The following SH2D4A variants were observed in gnomAD, a reference collection of about 807,000 sequenced individuals.
SH2D4A encodes the protein SH2 domain containing 4A.
A neutral mutation model predicts 64.7 loss-of-function variants in SH2D4A; 70 were observed. The observed-to-expected ratio is 1.08, with a 90% CI of 0.89 to 1.32. SH2D4A has a LOEUF of 1.32. Among genes scored for constraint, SH2D4A ranks in the 40% most tolerant of loss-of-function variants. SH2D4A has a pLI of 0.00. For synonymous variants in SH2D4A, 268 were observed against 200.7 expected (o/e 1.34, Z -2.83); for missense variants, 706 against 540.1 (o/e 1.31, Z -3.04).
At chr8:19,368,632 T>TG (rs1039160632) in intron 7 of SH2D4A, among the ~76,000 whole-genome samples, 11 of 151,816 alleles carry the variant, frequency 7.2e-5, no homozygotes, top group African/African-American at 2.4e-4. Context: ...TTTTTTTTTT[T>TG]TTGTTAGTCC....
chr8:19,319,407 T>C lies in SH2D4A; in HGVS notation c.-141T>C. ...AGGTCTGAGTAGCCAGTTTGCTGAA[T>C]TATTGTCCCAGTCAGCCAGGATTGT... On this transcript the variant is annotated 5_prime_UTR_variant, in exon 2 of 10. Coordinates refer to ENST00000265807, the MANE Select transcript of SH2D4A (RefSeq NM_022071.4). 7.7e-7 allele frequency: 1 copy of C among 1,299,904 alleles called. No homozygotes were observed. Among genetic ancestry groups the C allele is most frequent in the Non-Finnish European group, 9.8e-7 (1 of 1,021,142 alleles). The allele number at this position is 1,299,904 out of a possible 1,614,324, so 80.5% of individuals were successfully genotyped here.
Position 19,334,698 on chromosome 8 carries a change from T to C in SH2D4A, c.354T>C (p.Ser118=), listed in dbSNP as rs1220955915. The C allele has an allele frequency of 6.3e-7, 1 of 1,599,334 alleles. No individual in the cohort carries two copies. The highest frequency in any genetic ancestry group is 8.5e-7 in the Non-Finnish European group (1 of 1,175,866). ...TGCCTCTCTTCAGAAAAACTCACTC[T>C]GAAGAATTCACCAATAGCTTGAAAA... ...QEAEEPRKTH[S]EEFTNSLKTK... The change falls in exon 4 of 10, where the codon TCT becomes TCC. Residue 118 remains serine (S), a synonymous_variant. Coordinates refer to ENST00000265807, the MANE Select transcript of SH2D4A (RefSeq NM_022071.4).
chr8:19,315,260 C>G (rs1054781379), intron 1 of SH2D4A, among the ~76,000 whole-genome samples: 6 of 152,152 alleles, frequency 3.9e-5, no homozygotes, highest in Admixed American at 3.9e-4. Flanking sequence ...CTCAACCTCC[C>G]AAGTAGGTGG....
At chr8:19,366,217 T>C (rs766917969) in intron 7 of SH2D4A, among the ~76,000 whole-genome samples, 7 of 152,196 alleles carry the variant, frequency 4.6e-5, no homozygotes, top group Non-Finnish European at 8.8e-5. Flanking sequence ...GTGTGATGTT[T>C]TGATACATAT....
At chr8:19,352,138 T>C (rs2052715450) in intron 4 of SH2D4A, among the ~76,000 whole-genome samples, 1 of 152,224 alleles carries the variant, frequency 6.6e-6, no homozygotes, top group Admixed American at 6.5e-5. Flanking sequence ...TATCAACTGT[T>C]TCTCAAAGCA....
rs1372945104 is a variant in SH2D4A at position 19,313,845 on chromosome 8, A to C, written c.-205+22A>C. ...ACTGGTAGGTGCTGGGGGTGGGGCGAGGCTTTGGGGAGAGTGTGCGTGGGG... is the reference window on the plus strand; with the variant it reads ...ACTGGTAGGTGCTGGGGGTGGGGCGCGGCTTTGGGGAGAGTGTGCGTGGGG... On this transcript the variant is annotated intron_variant, in intron 1 of 9. Transcript: ENST00000265807. 1.4e-6 allele frequency: 2 copies of C among 1,469,110 alleles called. 1 individual carries two copies. Among genetic ancestry groups the C allele is most frequent in the South Asian group, 2.6e-5 (2 of 77,556 alleles). 91.0% of individuals were successfully genotyped at this position (1,469,110 alleles called of 1,614,324 possible).
chr8:19,319,612 A>T lies in SH2D4A; in HGVS notation c.65A>T (p.Glu22Val), dbSNP rs139576922. Residue 22 changes from glutamate to valine, a missense_variant, in exon 2 of 10, where the codon GAA (glutamate) becomes GTA (valine). Coordinates refer to ENST00000265807, the MANE Select transcript of SH2D4A (RefSeq NM_022071.4). Reference protein sequence around the residue: ...DPDLLAELSEEQKQILFFKMR... With the variant: ...DPDLLAELSEVQKQILFFKMR... ...GATCTACTGGCAGAGCTCAGCGAAG[A>T]ACAGAAACAGATCCTGTTCTTCAAG... 3 of 1,610,334 alleles carry T rather than the reference A, an allele frequency of 1.9e-6. No homozygotes were observed. The African/African-American group carries it at 4.0e-5, about 22-fold the overall frequency.
At chr8:19,321,005 A>G (rs1314653787) in intron 2 of SH2D4A, among the ~76,000 whole-genome samples, 5 of 152,154 alleles carry the variant, frequency 3.3e-5, no homozygotes, top group Non-Finnish European at 4.4e-5. Context: ...TTTTCCAGTG[A>G]TGCCTTTATC....
Position 19,370,804 on chromosome 8 carries a change from C to G in SH2D4A, c.918-2726C>G, listed in dbSNP as rs1045060879. Among the ~76,000 whole-genome samples the G allele has an allele frequency of 2.6e-5, 4 of 152,000 alleles. No homozygotes were observed. The South Asian group carries it at 8.3e-4, about 32-fold the overall frequency. ...TTATTTTCTAGTTATTCTGTAGATC[C>G]TTTCTTCTCTTATAGTCTTTGTGGT... On this transcript the variant is annotated intron_variant, in intron 7 of 9. Coordinates refer to ENST00000265807, the MANE Select transcript of SH2D4A (RefSeq NM_022071.4).
Position 19,334,761 on chromosome 8 carries a change from C to G in SH2D4A, c.417C>G (p.Asn139Lys). 1.9e-6 allele frequency: 3 copies of G among 1,614,016 alleles called. No individual in the cohort carries two copies. The highest frequency in any genetic ancestry group is 2.5e-6 in the Non-Finnish European group (3 of 1,179,988). ...SQYHDLQAPD[N>K]QQTKDIWKKV... is the part of the protein sequence containing the mutation. ...ACCATGATCTGCAGGCTCCGGATAA[C>G]CAGCAGACTAAAGACATCTGGAAGA... Residue 139 changes from asparagine to lysine, a missense_variant, in exon 4 of 10, where the codon AAC (asparagine) becomes AAG (lysine). By Grantham distance (94) the Asn-to-Lys change is moderately conservative (BLOSUM62 0). Coordinates refer to ENST00000265807, the MANE Select transcript of SH2D4A (RefSeq NM_022071.4).
intron 2 of SH2D4A, among the ~76,000 whole-genome samples, chr8:19,327,152 G>C (rs189326625): frequency 6.6e-6 from 1 of 152,142 alleles, no homozygotes; most frequent in Non-Finnish European, 1.5e-5. Flanking sequence ...TTCTGAGCAG[G>C]ACTGACCCGC....
intron 8 of SH2D4A, among the ~76,000 whole-genome samples, chr8:19,387,031 G>A (rs1399847899): frequency 3.7e-5 from 5 of 136,760 alleles, no homozygotes; most frequent in Admixed American, 7.3e-5. Flanking sequence ...AATAGTTTTT[G>A]TTGTTCTTTG....
At chr8:19,373,491 T>A in intron 7 of SH2D4A, 39 bp from the exon 8 acceptor site, 8 of 1,501,380 alleles carry the variant, frequency 5.3e-6, no homozygotes, top group Non-Finnish European at 7.1e-6. Flanking sequence ...TATTTTCAAA[T>A]TAGTTAAATC....
At position 19,319,498 on chromosome 8, in the gene SH2D4A, C is replaced by T. The variant is rs1222850653; in HGVS notation, c.-50C>T. Reference sequence around the variant, plus strand: ...CACAGGTGGAGGGACACCTGGAGGCCAGTTTCAGGAACTTTTGCCACAAGT... The same window carrying T: ...CACAGGTGGAGGGACACCTGGAGGCTAGTTTCAGGAACTTTTGCCACAAGT... On this transcript the variant is annotated 5_prime_UTR_variant, in exon 2 of 10. Coordinates refer to ENST00000265807, the MANE Select transcript of SH2D4A (RefSeq NM_022071.4). 1.2e-5 allele frequency: 17 copies of T among 1,411,670 alleles called. No individual in the cohort carries two copies. The highest frequency in any genetic ancestry group is 1.6e-5 in the Non-Finnish European group (17 of 1,076,796). The allele number at this position is 1,411,670 out of a possible 1,614,324, so 87.4% of individuals were successfully genotyped here.
chr8:19,361,250 A>G lies in SH2D4A; in HGVS notation c.642A>G (p.Ile214Met), dbSNP rs1401430311. The G allele has an allele frequency of 1.2e-6, 2 of 1,605,320 alleles. No individual in the cohort carries two copies. The highest frequency in any genetic ancestry group is 1.7e-4 in the Middle Eastern group (1 of 6,022). ...AACAAGATGAAGAAATAAATCAAAT[A>G]GAAGAAGAGAGAACGAAGCAGATTT... ...KKKQDEEINQIEEERTKQICK... is the reference protein window; with the variant it reads ...KKKQDEEINQMEEERTKQICK... Residue 214 changes from isoleucine (I) to methionine (M), a missense_variant, in exon 6 of 10, where the codon ATA becomes ATG. Transcript: ENST00000265807.
At chr8:19,338,904 C>T (rs13270053) in intron 4 of SH2D4A, among the ~76,000 whole-genome samples, 11,670 of 152,040 alleles carry the variant, frequency 0.077, 478 homozygotes, top group Middle Eastern at 0.15. Flanking sequence ...ATAGGATAGA[C>T]GTATATATGA....
chr8:19,335,090 T>C (rs928280033), intron 4 of SH2D4A, among the ~76,000 whole-genome samples: 5 of 151,910 alleles, frequency 3.3e-5, no homozygotes, highest in Admixed American at 6.6e-5. Context: ...GAGACCATCC[T>C]GGCTAACACG....
Position 19,379,250 on chromosome 8 carries a change from A to G in SH2D4A, c.1048+5590A>G, listed in dbSNP as rs999178952. ...AATCTGACTATTCTAAATACCTCAT[A>G]TAAGTAGAACTGTACAGTATTTGTC... On this transcript the variant is annotated intron_variant, in intron 8 of 9. Coordinates refer to ENST00000265807, the MANE Select transcript of SH2D4A (RefSeq NM_022071.4). 2.6e-5 allele frequency among the ~76,000 whole-genome samples: 4 copies of G among 152,156 alleles called. No individual in the cohort carries two copies. In the South Asian group the frequency reaches 8.3e-4, roughly 32 times the overall value.
intron 2 of SH2D4A, among the ~76,000 whole-genome samples, chr8:19,328,045 A>C (rs2052310364): frequency 6.6e-6 from 1 of 152,094 alleles, no homozygotes; most frequent in East Asian, 1.9e-4. Flanking sequence ...CTGTTTGGTT[A>C]TTTGGGGCAT....
Sources: gnomAD v4.1 joint callset for allele counts (sites outside exome capture counted in the v4.1 genomes callset) on GRCh38, gnomAD v4.1.1 for gene constraint, MANE v1.5 for transcripts, NCBI Gene and HGNC (gene_info 2026-07-23, HGNC 2026-07-21) for gene names.